MAPK10: variants seen among roughly 807,000 people sequenced by gnomAD.
The protein encoded by MAPK10 is JNK3 alpha protein kinase.
A neutral mutation model predicts 59.3 loss-of-function variants in MAPK10; 25 were observed. That is an observed-to-expected ratio of 0.42 (90% CI 0.31 to 0.59). The LOEUF (loss-of-function observed/expected upper bound fraction) is 0.59. Ranked by LOEUF, MAPK10 falls within the 20% of genes least tolerant of loss-of-function variation. MAPK10 has a pLI of 0.15. For synonymous variants in MAPK10, 190 were observed against 200.5 expected (o/e 0.95, Z 0.44); for missense variants, 351 against 568.9 (o/e 0.62, Z 3.90).
chr4:86,571,435 G>T (rs1442640463), intron 1 of MAPK10, among the ~76,000 whole-genome samples: 1 of 150,928 alleles, frequency 6.6e-6, no homozygotes, highest in East Asian at 1.9e-4. Flanking sequence ...AAAAATGATG[G>T]CAGGAAATAA....
At chr4:86,162,437 C>G (rs2070084633) in intron 3 of MAPK10, among the ~76,000 whole-genome samples, 2 of 151,848 alleles carry the variant, frequency 1.3e-5, no homozygotes, top group Non-Finnish European at 2.9e-5. Context: ...AAAGGTAATG[C>G]CAGTCCAAAG....
At chr4:86,265,845 G>T (rs1421138501) in intron 2 of MAPK10, among the ~76,000 whole-genome samples, 1 of 152,112 alleles carries the variant, frequency 6.6e-6, no homozygotes, top group Non-Finnish European at 1.5e-5. Flanking sequence ...CAATGTCAAA[G>T]TGACAGCATG....
chr4:86,031,393 T>C lies in MAPK10; in HGVS notation c.1149A>G (p.Arg383=). The change falls in exon 12 of 14, where the codon AGA becomes AGG. Residue 383 remains arginine, a synonymous_variant. Coordinates refer to ENST00000641462, the MANE Select transcript of MAPK10 (RefSeq NM_138982.4). ...CTTTCCATTCTTCAATTGTGTGTTC[T>C]CTTTCATCCAACTGCTTGTCATATA... is the stretch of plus-strand genomic sequence containing the variant. The part of the protein sequence containing the change: ...PQIYDKQLDE[R]EHTIEEWKEL... 6.2e-7 allele frequency: 1 copy of C among 1,612,764 alleles called. No homozygotes were observed. The highest frequency in any genetic ancestry group is 8.5e-7 in the Non-Finnish European group (1 of 1,179,002).
chr4:86,446,827 G>A (rs1285541050), intron 1 of MAPK10, among the ~76,000 whole-genome samples: 1 of 152,006 alleles, frequency 6.6e-6, no homozygotes, highest in Admixed American at 6.6e-5. Context: ...ATCTTTTCAT[G>A]TGCTTCTCCT....
chr4:86,359,252 G>GTTTTTTT, intron 1 of MAPK10, among the ~76,000 whole-genome samples: 1 of 54,898 alleles, frequency 1.8e-5, no homozygotes. Flanking sequence ...GCTGTTTGGT[G>GTTTTTTT]TTTTTTTTTT....
chr4:86,376,587 C>T (rs1252780617), intron 1 of MAPK10, among the ~76,000 whole-genome samples: 1 of 152,162 alleles, frequency 6.6e-6, no homozygotes, highest in African/African-American at 2.4e-5. Flanking sequence ...TCAGGCATAA[C>T]ATCCTCCCTA....
At chr4:86,437,657 A>G (rs1748925346) in intron 1 of MAPK10, among the ~76,000 whole-genome samples, 1 of 152,232 alleles carries the variant, frequency 6.6e-6, no homozygotes, top group Admixed American at 6.5e-5. Context: ...TGCTGAAAGT[A>G]TAACCACTTT....
chr4:86,378,869 A>G (rs1229504772), intron 1 of MAPK10, among the ~76,000 whole-genome samples: 1 of 152,226 alleles, frequency 6.6e-6, no homozygotes, highest in African/African-American at 2.4e-5. Context: ...CAGGCAATAT[A>G]CAAACTGTAA....
chr4:86,458,643 A>C (rs1178618434), intron 1 of MAPK10, among the ~76,000 whole-genome samples: 1 of 152,224 alleles, frequency 6.6e-6, no homozygotes, highest in Non-Finnish European at 1.5e-5. Flanking sequence ...TTTTCAATAA[A>C]GCAAACAAAA....
intron 1 of MAPK10, among the ~76,000 whole-genome samples, chr4:86,465,420 TC>T (rs1752113694): frequency 6.6e-6 from 1 of 152,184 alleles, no homozygotes; most frequent in South Asian, 2.1e-4. Flanking sequence ...AATGAATCTC[TC>T]CCTGAAACAG....
chr4:86,565,933 T>A (rs1761027958), intron 1 of MAPK10, among the ~76,000 whole-genome samples: 1 of 152,190 alleles, frequency 6.6e-6, no homozygotes, highest in African/African-American at 2.4e-5. Flanking sequence ...TTCTTTCTAC[T>A]TTCATGGTTT....
intron 1 of MAPK10, chr4:86,370,945 TAA>T (rs2148992991): frequency 6.6e-6 from 1 of 152,298 alleles, no homozygotes; most frequent in Admixed American, 6.5e-5. Context: ...AGAATAGACT[TAA>T]AAGTGACGGA....
intron 2 of MAPK10, among the ~76,000 whole-genome samples, chr4:86,223,533 G>C (rs1308343281): frequency 6.6e-6 from 1 of 152,140 alleles, no homozygotes; most frequent in Admixed American, 6.5e-5. Flanking sequence ...TTATGCTTTG[G>C]GTCATGAAAA....
chr4:86,249,811 A>C (rs1304940491), intron 2 of MAPK10, among the ~76,000 whole-genome samples: 1 of 152,158 alleles, frequency 6.6e-6, no homozygotes, highest in Non-Finnish European at 1.5e-5. Flanking sequence ...CCCTAATGAC[A>C]ACTGCAGTCA....
chr4:86,439,092 T>C (rs1360439317), intron 1 of MAPK10, among the ~76,000 whole-genome samples: 1 of 152,222 alleles, frequency 6.6e-6, no homozygotes, highest in Non-Finnish European at 1.5e-5. Flanking sequence ...ATTTTTATTT[T>C]CATTTTTAAA....
chr4:86,475,437 C>G (rs1753003086), intron 1 of MAPK10, among the ~76,000 whole-genome samples: 1 of 152,262 alleles, frequency 6.6e-6, no homozygotes, highest in South Asian at 2.1e-4. Context: ...CCTCTTTCTC[C>G]TTTCAATCTT....
intron 12 of MAPK10, 38 bp downstream of exon 12, chr4:86,031,330 T>C (rs1278191832): frequency 7.0e-7 from 1 of 1,430,614 alleles, no homozygotes; most frequent in Non-Finnish European, 9.8e-7. Flanking sequence ...CTGAGTTCAA[T>C]AAAATAAAAA....
chr4:86,536,339 C>T (rs1758244123), intron 1 of MAPK10, among the ~76,000 whole-genome samples: 1 of 152,096 alleles, frequency 6.6e-6, no homozygotes, highest in Non-Finnish European at 1.5e-5. Context: ...TAAGAAAGGG[C>T]TTTTTTGTTT....
intron 2 of MAPK10, among the ~76,000 whole-genome samples, chr4:86,294,543 A>AG (rs1460707534): frequency 6.6e-6 from 1 of 152,176 alleles, no homozygotes; most frequent in Non-Finnish European, 1.5e-5. Context: ...GAAAAAAAAA[A>AG]AAGAAAACTT....
Sources: gnomAD v4.1 joint callset for allele counts (sites outside exome capture counted in the v4.1 genomes callset) on GRCh38, gnomAD v4.1.1 for gene constraint, MANE v1.5 for transcripts, NCBI Gene and HGNC (gene_info 2026-07-23, HGNC 2026-07-21) for gene names.